The following TCERG1L variants were observed in gnomAD, a reference collection of about 807,000 sequenced individuals.
TCERG1L encodes transcription elongation regulator 1 like.
In TCERG1L, 37 loss-of-function variants were observed where a neutral mutation model predicts 56.3. The ratio of observed to expected loss-of-function variants is 0.66; its 90% CI spans 0.51 to 0.87. The LOEUF (loss-of-function observed/expected upper bound fraction) is 0.87. Ranked by LOEUF, TCERG1L falls within the 40% of genes least tolerant of loss-of-function variation. The pLI, the probability that TCERG1L is intolerant of heterozygous loss-of-function variation, is 0.00. For synonymous variants in TCERG1L, 324 were observed against 326.3 expected (o/e 0.99, Z 0.08); for missense variants, 799 against 774.2 (o/e 1.03, Z -0.38).
At chr10:131,219,163 G>A (rs1344424916) in intron 4 of TCERG1L, among the ~76,000 whole-genome samples, 3 of 152,122 alleles carry the variant, frequency 2.0e-5, no homozygotes, top group Non-Finnish European at 4.4e-5. Flanking sequence ...GCCTGGCTCT[G>A]CCCATGTCTC....
intron 3 of TCERG1L, among the ~76,000 whole-genome samples, chr10:131,277,433 CG>C (rs948069152): frequency 4.6e-5 from 7 of 152,286 alleles, no homozygotes; most frequent in African/African-American, 1.4e-4. Flanking sequence ...AGGCCTGCGC[CG>C]GGGAGATAGT....
intron 8 of TCERG1L, among the ~76,000 whole-genome samples, chr10:131,129,479 CTG>C (rs1353572266): frequency 1.3e-5 from 2 of 152,198 alleles, no homozygotes; most frequent in Non-Finnish European, 2.9e-5. Context: ...TGGAGGCGAA[CTG>C]TGTTATTCCA....
At chr10:131,268,165 G>A (rs1846305358) in intron 3 of TCERG1L, among the ~76,000 whole-genome samples, 2 of 152,208 alleles carry the variant, frequency 1.3e-5, no homozygotes, top group African/African-American at 4.8e-5. Context: ...TGCCTGCTCT[G>A]TGGAGTGGAA....
rs1846299533 is a variant in TCERG1L, at chr10:131,267,539, C to T, written c.671-7095G>A. On this transcript the variant is annotated intron_variant, in intron 3 of 11. Transcript: ENST00000368642. The surrounding 1 kb of genome is among the most constrained non-coding windows in gnomAD (Gnocchi z 4.9). ...GCAGACCTGGCTGTGCCCTTCTCTG[C>T]GTCTCCCTCTGCCGCAGTGGTGGCC... 2.0e-5 allele frequency among the ~76,000 whole-genome samples: 3 copies of T among 152,190 alleles called. No individual in the cohort carries two copies. Among genetic ancestry groups the T allele is most frequent in the Admixed American group, 1.3e-4 (2 of 15,280 alleles).
At chr10:131,227,572 C>T (rs1440538604) in intron 4 of TCERG1L, among the ~76,000 whole-genome samples, 2 of 152,212 alleles carry the variant, frequency 1.3e-5, no homozygotes, top group Admixed American at 6.5e-5. Flanking sequence ...GAAAGGACCG[C>T]CCAGCCCATG....
chr10:131,156,152 C>T (rs1845918667), intron 6 of TCERG1L: 2 of 152,160 alleles, frequency 1.3e-5, no homozygotes, highest in South Asian at 2.1e-4. Flanking sequence ...CATTTCTAAT[C>T]ACCTTTTTCT....
intron 4 of TCERG1L, among the ~76,000 whole-genome samples, chr10:131,213,227 AC>A (rs1845635073): frequency 6.6e-6 from 1 of 152,222 alleles, no homozygotes; most frequent in Non-Finnish European, 1.5e-5. Flanking sequence ...CTCCTGGCAC[AC>A]GGGAAGATGG....
At chr10:131,268,249 A>G (rs1164513549) in intron 3 of TCERG1L, among the ~76,000 whole-genome samples, 1 of 152,218 alleles carries the variant, frequency 6.6e-6, no homozygotes, top group Admixed American at 6.5e-5. Flanking sequence ...GCTGCCATTC[A>G]TAATATTTTG....
intron 3 of TCERG1L, among the ~76,000 whole-genome samples, chr10:131,289,193 C>T (rs1846579858): frequency 6.7e-6 from 1 of 148,774 alleles, no homozygotes; most frequent in African/African-American, 2.5e-5. Context: ...CGTTTCTTTT[C>T]GGAACAGATG....
intron 7 of TCERG1L, among the ~76,000 whole-genome samples, chr10:131,143,672 C>T (rs891693430): frequency 7.9e-5 from 12 of 152,274 alleles, no homozygotes; most frequent in East Asian, 3.9e-4. Context: ...GCCTGGGAAA[C>T]GCGGGCACGG....
Position 131,242,828 on chromosome 10 carries a change from G to C in TCERG1L, c.856+17431C>G, listed in dbSNP as rs143694786. On this transcript the variant is annotated intron_variant, in intron 4 of 11. Transcript: ENST00000368642. ...TATTTATTGACTCATTAACCTGTAG[G>C]ATCAGTCTAGGAACAAAACTAGAAA... Among the ~76,000 whole-genome samples, 197 of 152,256 alleles carry C rather than the reference G, an allele frequency of 1.3e-3. 1 individual carries two copies. Among genetic ancestry groups the C allele is most frequent in the African/African-American group, 4.5e-3 (189 of 41,548 alleles).
At chr10:131,173,686 C>A (rs965624839) in intron 4 of TCERG1L, among the ~76,000 whole-genome samples, 11 of 152,212 alleles carry the variant, frequency 7.2e-5, no homozygotes, top group African/African-American at 2.4e-4. Context: ...AGCCCAGGGG[C>A]CTGAGGGGCT....
chr10:131,105,168 G>A (rs1454651084), intron 9 of TCERG1L, among the ~76,000 whole-genome samples: 10 of 152,208 alleles, frequency 6.6e-5, no homozygotes, highest in Non-Finnish European at 8.8e-5. Context: ...GGTTTTCCTC[G>A]TAAATAGCCT....
chr10:131,277,177 G>A (rs1054229584), intron 3 of TCERG1L, among the ~76,000 whole-genome samples: 4 of 152,064 alleles, frequency 2.6e-5, no homozygotes, highest in Non-Finnish European at 4.4e-5. Flanking sequence ...TTGGGAGGGC[G>A]GGGCCACACT....
rs191177055 is a variant in TCERG1L at position 131,141,178 on chromosome 10, G to A, written c.1189+5328C>T. On this transcript the variant is annotated intron_variant, in intron 7 of 11. Transcript: ENST00000368642. ...AATAATCATAATGGGGAACCTCTCC[G>A]TGGCCACTTGGAAATGCCACACCAC... Among the ~76,000 whole-genome samples, 123 of 152,270 alleles carry A rather than the reference G, an allele frequency of 8.1e-4. 1 individual carries two copies. The highest frequency in any genetic ancestry group is 2.8e-3 in the African/African-American group (115 of 41,540).
At chr10:131,264,752 C>T (rs1240646688) in intron 3 of TCERG1L, among the ~76,000 whole-genome samples, 4 of 152,212 alleles carry the variant, frequency 2.6e-5, no homozygotes, top group Non-Finnish European at 2.9e-5. Flanking sequence ...TCCGTGTTGG[C>T]GGGGGAGGGC....
intron 4 of TCERG1L, among the ~76,000 whole-genome samples, chr10:131,193,073 C>T (rs115626450): frequency 7.2e-4 from 110 of 152,266 alleles, no homozygotes; most frequent in African/African-American, 2.6e-3. Context: ...GATGACATCT[C>T]ATTGTGGTCT....
At chr10:131,299,253 G>C (rs1416757797) in intron 3 of TCERG1L, among the ~76,000 whole-genome samples, 1 of 151,830 alleles carries the variant, frequency 6.6e-6, no homozygotes, top group African/African-American at 2.4e-5. Context: ...CGTATATTTG[G>C]AACTGAAAAC....
chr10:131,183,229 G>A (rs1845199716), intron 4 of TCERG1L, among the ~76,000 whole-genome samples: 1 of 152,136 alleles, frequency 6.6e-6, no homozygotes, highest in African/African-American at 2.4e-5. Flanking sequence ...TTAAAGCATA[G>A]CAGACATTTT....
Sources: gnomAD v4.1 joint callset for allele counts (sites outside exome capture counted in the v4.1 genomes callset) on GRCh38, gnomAD v4.1.1 for gene constraint, Gnocchi (gnomAD v3.1) non-coding constraint, MANE v1.5 for transcripts, NCBI Gene and HGNC (gene_info 2026-07-23, HGNC 2026-07-21) for gene names.